The following GRIP1 variants were observed in gnomAD, a reference collection of about 807,000 sequenced individuals.
The protein encoded by GRIP1 is glutamate receptor-interacting protein 1.
GRIP1 carries 45 observed loss-of-function variants against 129.9 expected under a neutral mutation model. That is an observed-to-expected ratio of 0.35 (90% CI 0.27 to 0.44). The LOEUF (loss-of-function observed/expected upper bound fraction) is 0.44. Ranked by LOEUF, GRIP1 falls within the 20% of genes least tolerant of loss-of-function variation. The probability of loss-of-function intolerance (pLI) is 1.00; values close to 1 mark genes in which losing one functional copy is unlikely to be tolerated. For missense variants in GRIP1, 1,196 were observed against 1,396.8 expected (o/e 0.86, Z 2.29); for synonymous variants, 530 against 520.8 (o/e 1.02, Z -0.24).
At chr12:67,047,681 T>G (rs755618634) in intron 1 of GRIP1, among the ~76,000 whole-genome samples, 2 of 152,224 alleles carry the variant, frequency 1.3e-5, no homozygotes, top group Non-Finnish European at 1.5e-5. Flanking sequence ...ACCGAAGCAC[T>G]GCACATTTAG....
intron 1 of GRIP1, among the ~76,000 whole-genome samples, chr12:66,988,030 T>C (rs2042339138): frequency 2.6e-5 from 4 of 152,154 alleles, no homozygotes; most frequent in Admixed American, 2.6e-4. Context: ...TGTTTCCTCA[T>C]TTATAAAACC....
intron 2 of GRIP1, among the ~76,000 whole-genome samples, chr12:66,570,670 G>GCACAGGCTTCTTC: frequency 6.6e-6 from 1 of 152,228 alleles, no homozygotes. Flanking sequence ...ACCTTAACTG[G>GCACAGGCTTCTTC]CACAGGCTTC....
At chr12:66,987,841 C>T (rs973568810) in intron 1 of GRIP1, among the ~76,000 whole-genome samples, 4 of 152,162 alleles carry the variant, frequency 2.6e-5, no homozygotes, top group Non-Finnish European at 5.9e-5. Context: ...TCTTATCAAC[C>T]AATGCTTTCA....
chr12:66,448,326 T>C (rs1276911746), intron 11 of GRIP1, among the ~76,000 whole-genome samples: 1 of 152,216 alleles, frequency 6.6e-6, no homozygotes, highest in African/African-American at 2.4e-5. Flanking sequence ...TCTCAAATTC[T>C]ATCCATTGCT....
chr12:66,708,736 G>A (rs1425578555), intron 1 of GRIP1, among the ~76,000 whole-genome samples: 1 of 151,544 alleles, frequency 6.6e-6, no homozygotes, highest in Non-Finnish European at 1.5e-5. Flanking sequence ...TTGTTACATA[G>A]GTATACATGT....
At chr12:66,614,459 T>A (rs577202125) in intron 1 of GRIP1, among the ~76,000 whole-genome samples, 1 of 152,262 alleles carries the variant, frequency 6.6e-6, no homozygotes, top group East Asian at 1.9e-4. Flanking sequence ...TAAGCCCATA[T>A]GCAAGTTCTG....
chr12:66,577,558 G>A (rs1413844027), intron 2 of GRIP1, among the ~76,000 whole-genome samples: 4 of 152,142 alleles, frequency 2.6e-5, no homozygotes, highest in Non-Finnish European at 5.9e-5. Context: ...GAGATCCTAA[G>A]GCAGGTGATG....
chr12:66,529,567 G>A (rs995137645), intron 5 of GRIP1, among the ~76,000 whole-genome samples: 1 of 152,126 alleles, frequency 6.6e-6, no homozygotes, highest in Non-Finnish European at 1.5e-5. Context: ...GTTCTCACTC[G>A]TAAGTAGGAG....
At chr12:66,811,136 T>C (rs562932973) in intron 1 of GRIP1, among the ~76,000 whole-genome samples, 5 of 152,368 alleles carry the variant, frequency 3.3e-5, no homozygotes, top group South Asian at 4.1e-4. Flanking sequence ...ACTGCAAATA[T>C]ATTAGGCTTC....
intron 1 of GRIP1, among the ~76,000 whole-genome samples, chr12:66,907,786 A>G (rs989869764): frequency 4.6e-5 from 7 of 152,224 alleles, no homozygotes; most frequent in Non-Finnish European, 1.0e-4. Context: ...AAACAGGTAG[A>G]AAAGTAAAAC....
intron 9 of GRIP1, among the ~76,000 whole-genome samples, chr12:66,461,094 G>A (rs535798574): frequency 6.6e-6 from 1 of 152,112 alleles, no homozygotes; most frequent in South Asian, 2.1e-4. Context: ...CACAATAAAG[G>A]CAAAAAATTT....
intron 2 of GRIP1, chr12:66,568,575 A>C (rs2062849252): frequency 5.4e-6 from 1 of 185,512 alleles, no homozygotes; most frequent in Admixed American, 6.3e-5. Context: ...CTATCTGGGC[A>C]CTTTAGTCTG....
At chr12:66,610,464 T>A (rs974768679) in intron 1 of GRIP1, among the ~76,000 whole-genome samples, 1 of 152,148 alleles carries the variant, frequency 6.6e-6, no homozygotes, top group Non-Finnish European at 1.5e-5. Context: ...ACCATCTCTA[T>A]CTCAGTGACT....
At chr12:66,918,398 G>C (rs913290001) in intron 1 of GRIP1, among the ~76,000 whole-genome samples, 5 of 152,138 alleles carry the variant, frequency 3.3e-5, no homozygotes, top group Non-Finnish European at 7.3e-5. Context: ...TTCTCAGTCA[G>C]CCAATTCAAA....
At chr12:66,785,704 CAAATA>C (rs1171553888) in intron 1 of GRIP1, among the ~76,000 whole-genome samples, 1 of 151,924 alleles carries the variant, frequency 6.6e-6, no homozygotes, top group African/African-American at 2.4e-5. Context: ...TAAGCAAAAA[CAAATA>C]AAATAAAGCC....
chr12:66,548,248 A>C (rs1262866582), intron 2 of GRIP1, among the ~76,000 whole-genome samples: 3 of 152,212 alleles, frequency 2.0e-5, no homozygotes. Context: ...AGTAAATTGA[A>C]CTAGTGGTAT....
At chr12:66,505,744 G>A (rs545847905) in intron 7 of GRIP1, among the ~76,000 whole-genome samples, 2 of 152,188 alleles carry the variant, frequency 1.3e-5, no homozygotes, top group South Asian at 4.2e-4. Flanking sequence ...TAGCTTATAT[G>A]TACCAATTTT....
intron 1 of GRIP1, among the ~76,000 whole-genome samples, chr12:66,842,916 T>C (rs1488291855): frequency 6.6e-6 from 1 of 152,124 alleles, no homozygotes; most frequent in Admixed American, 6.6e-5. Context: ...AAAGAAAAGG[T>C]ATAGTCTGTA....
chr12:66,918,887 T>G (rs888801212), intron 1 of GRIP1, among the ~76,000 whole-genome samples: 6 of 152,160 alleles, frequency 3.9e-5, no homozygotes, highest in Non-Finnish European at 5.9e-5. Flanking sequence ...TAAGGGTACA[T>G]GAAAAAATTA....
Sources: allele counts gnomAD v4.1 joint callset (sites outside exome capture counted in the v4.1 genomes callset), GRCh38; gene constraint gnomAD v4.1.1; transcripts MANE v1.5; gene names NCBI Gene and HGNC (gene_info 2026-07-23, HGNC 2026-07-21).